DHRSX: variants seen among roughly 807,000 people sequenced by gnomAD.
DHRSX encodes polyprenol dehydrogenase.
A neutral mutation model predicts 34.0 loss-of-function variants in DHRSX; 31 were observed. That is an observed-to-expected ratio of 0.91 (90% CI 0.69 to 1.23). The LOEUF (loss-of-function observed/expected upper bound fraction) is 1.23, where lower values mean the gene tolerates loss of function less well. Among genes scored for constraint, DHRSX ranks in the 50% most tolerant of loss-of-function variants. DHRSX has a pLI of 0.00. For missense variants in DHRSX, 414 were observed against 428.1 expected, an observed-to-expected ratio of 0.97 and a Z score of 0.29; for synonymous variants, 201 against 183.8, an observed-to-expected ratio of 1.09 and a Z score of -0.76.
chrX:2,461,387 A>C (rs2044399816), intron 1 of DHRSX, among the ~76,000 whole-genome samples: 1 of 152,228 alleles, frequency 6.6e-6, no homozygotes, highest in South Asian at 2.1e-4. Flanking sequence ...CCACCTCAGC[A>C]ATGCTACCAA....
chrX:2,371,072 TTAGTCCCTCCTCCTCTTGTTACAA>T (rs2043052759), intron 3 of DHRSX, among the ~76,000 whole-genome samples: 1 of 152,014 alleles, frequency 6.6e-6, no homozygotes, highest in Non-Finnish European at 1.5e-5. Flanking sequence ...AGTGGTTGCA[TTAGTCCCTCCTCCTCTTGTTACAA>T]TAGTTCCTCC....
At chrX:2,332,940 G>T (rs73189625) in intron 3 of DHRSX, among the ~76,000 whole-genome samples, 22,135 of 152,098 alleles carry the variant, frequency 0.15, 2,137 homozygotes, top group Admixed American at 0.22. Context: ...GACTATGGGC[G>T]TGAGGTAACT....
At chrX:2,485,249 G>A (rs2044858929) in intron 1 of DHRSX, among the ~76,000 whole-genome samples, 1 of 152,048 alleles carries the variant, frequency 6.6e-6, no homozygotes, top group South Asian at 2.1e-4. Context: ...GGAAAAACGT[G>A]TAAACATGTC....
intron 1 of DHRSX, among the ~76,000 whole-genome samples, chrX:2,459,577 T>TATATAC (rs2044372585): frequency 8.0e-6 from 1 of 125,412 alleles, no homozygotes; most frequent in East Asian, 2.0e-4. Context: ...TATATATATA[T>TATATAC]ATACACACAC....
chrX:2,323,142 T>C (rs2042333815), intron 3 of DHRSX, among the ~76,000 whole-genome samples: 1 of 152,094 alleles, frequency 6.6e-6, no homozygotes, highest in African/African-American at 2.4e-5. Flanking sequence ...TAAGACAGTC[T>C]TGAAGCTCAA....
intron 6 of DHRSX, among the ~76,000 whole-genome samples, chrX:2,240,971 G>C (rs1474996091): frequency 6.6e-6 from 1 of 152,048 alleles, no homozygotes; most frequent in Non-Finnish European, 1.5e-5. Flanking sequence ...CTTGAGGTAG[G>C]TCAGGAGTTC....
At chrX:2,425,143 A>AC (rs1440435743) in intron 2 of DHRSX, 54 bp downstream of exon 2, 6 of 985,364 alleles carry the variant, frequency 6.1e-6, no homozygotes, top group Non-Finnish European at 5.6e-6. Context: ...CCTGTCTCAG[A>AC]AAAAAAAAAA....
intron 3 of DHRSX, among the ~76,000 whole-genome samples, chrX:2,306,862 A>G (rs1457687837): frequency 6.6e-6 from 1 of 150,794 alleles, no homozygotes; most frequent in East Asian, 2.0e-4. Flanking sequence ...TTTCAGTCAG[A>G]TTGGAACCAG....
rs574005150 is a variant in DHRSX at position 2,417,802 on chromosome X, C to G, written c.217+7395G>C. 8.5e-5 allele frequency among the ~76,000 whole-genome samples: 13 copies of G among 152,212 alleles called. No homozygotes were observed. In the South Asian group the frequency reaches 1.7e-3, roughly 19 times the overall value. On this transcript the variant is annotated intron_variant, in intron 2 of 6. Transcript: ENST00000334651. ...ATAATGATCTAACTCAACCAGTCAT[C>G]CTAATCTAATCCAACAAGATTTCAT...
intron 1 of DHRSX, among the ~76,000 whole-genome samples, chrX:2,445,062 CG>C (rs1210056405): frequency 6.6e-6 from 1 of 151,918 alleles, no homozygotes; most frequent in African/African-American, 2.4e-5. Context: ...GAGGCTGAGG[CG>C]GGGGAATTGC....
intron 5 of DHRSX, among the ~76,000 whole-genome samples, chrX:2,253,286 G>A (rs1427025974): frequency 7.2e-6 from 1 of 139,846 alleles, no homozygotes; most frequent in Non-Finnish European, 1.6e-5. Context: ...GAGCCAAGAT[G>A]GCGCCACGGC....
chrX:2,450,414 A>G (rs760531045), intron 1 of DHRSX, among the ~76,000 whole-genome samples: 1 of 152,238 alleles, frequency 6.6e-6, no homozygotes, highest in Admixed American at 6.5e-5. Context: ...GCGAGCCAAG[A>G]TCGCGTCACT....
chrX:2,265,659 C>G (rs1223483824), intron 5 of DHRSX, among the ~76,000 whole-genome samples: 13 of 138,872 alleles, frequency 9.4e-5, no homozygotes, highest in Non-Finnish European at 1.3e-4. Context: ...GCAGGGAGCA[C>G]TGTACCCAGA....
chrX:2,494,543 G>T (rs1253915538), intron 1 of DHRSX, among the ~76,000 whole-genome samples: 2 of 151,802 alleles, frequency 1.3e-5, no homozygotes, highest in Admixed American at 1.3e-4. Context: ...AGAAGTCCGG[G>T]TACCTGGAAC....
At chrX:2,343,973 A>G (rs147204585) in intron 3 of DHRSX, among the ~76,000 whole-genome samples, 1,993 of 152,284 alleles carry the variant, frequency 0.013, 55 homozygotes, top group African/African-American at 0.046. Context: ...CCATTTCAGT[A>G]CTAAATGGGA....
chrX:2,317,958 A>G (rs2042260320), intron 3 of DHRSX, among the ~76,000 whole-genome samples: 1 of 152,092 alleles, frequency 6.6e-6, no homozygotes, highest in South Asian at 2.1e-4. Context: ...AAGATTTTGG[A>G]GCCCACAAGA....
intron 1 of DHRSX, among the ~76,000 whole-genome samples, chrX:2,498,855 T>C (rs1250301622): frequency 3.3e-5 from 5 of 152,178 alleles, no homozygotes; most frequent in Non-Finnish European, 7.3e-5. Flanking sequence ...ACCGTTCACC[T>C]TGCAACTGAT....
chrX:2,481,276 T>G (rs2044766647), intron 1 of DHRSX, among the ~76,000 whole-genome samples: 1 of 152,182 alleles, frequency 6.6e-6, no homozygotes, highest in African/African-American at 2.4e-5. Flanking sequence ...CTGTGACATA[T>G]TTAATGGTGT....
chrX:2,271,947 A>G (rs987951986), intron 4 of DHRSX, among the ~76,000 whole-genome samples: 28 of 152,094 alleles, frequency 1.8e-4, no homozygotes, highest in African/African-American at 5.3e-4. Flanking sequence ...AAGCTGAGGC[A>G]GGAGAATCGC....
Sources: allele counts gnomAD v4.1 joint callset (sites outside exome capture counted in the v4.1 genomes callset), GRCh38; gene constraint gnomAD v4.1.1; transcripts MANE v1.5; gene names NCBI Gene and HGNC (gene_info 2026-07-23, HGNC 2026-07-21).